Variants in OTOGL observed in about 807,000 individuals in gnomAD.
OTOGL encodes otogelin-like protein.
OTOGL carries 285 observed loss-of-function variants against 318.5 expected under a neutral mutation model. The ratio of observed to expected loss-of-function variants is 0.89; its 90% CI spans 0.81 to 0.99. OTOGL has a LOEUF of 0.99. OTOGL is among the 50% of genes least tolerant of loss of function. The pLI is 0.00. For missense variants in OTOGL, 2,899 were observed against 2,845.6 expected (o/e 1.02, Z -0.43); for synonymous variants, 987 against 936.5 (o/e 1.05, Z -0.99).
Position 80,341,959 on chromosome 12 carries a change from G to A in OTOGL, c.5062G>A (p.Glu1688Lys). The change falls in exon 44 of 59, where the codon GAA (glutamate) becomes AAA (lysine). Residue 1688 changes from glutamate (E) to lysine (K), a missense_variant. Transcript: ENST00000547103. The part of the protein sequence containing the change: ...YTEGLCGICN[E>K]DPDDDLRMQN... ...TATATTCTTTCAAGGAATTTGCAAT[G>A]AAGATCCGGATGATGATCTAAGGAT... 1 of 1,602,048 alleles carries A rather than the reference G, an allele frequency of 6.2e-7. No individual in the cohort carries two copies. Among genetic ancestry groups the A allele is most frequent in the Non-Finnish European group, 8.5e-7 (1 of 1,172,622 alleles).
At chr12:80,209,939 A>G (rs1877119209) in intron 2 of OTOGL, among the ~76,000 whole-genome samples, 3 of 152,154 alleles carry the variant, frequency 2.0e-5, no homozygotes, top group East Asian at 1.9e-4. Flanking sequence ...ATAAACAGCA[A>G]TTGAGTACTT....
intron 1 of OTOGL, among the ~76,000 whole-genome samples, chr12:80,160,461 G>A (rs1873433253): frequency 6.6e-6 from 1 of 151,936 alleles, no homozygotes; most frequent in Non-Finnish European, 1.5e-5. Context: ...TATACAAATG[G>A]CCAACAAACA....
At chr12:80,279,377 A>G (rs1047052625) in intron 26 of OTOGL, among the ~76,000 whole-genome samples, 4 of 151,412 alleles carry the variant, frequency 2.6e-5, no homozygotes, top group Admixed American at 6.6e-5. Context: ...TTGGTGTACA[A>G]AGAATTTCAT....
intron 1 of OTOGL, among the ~76,000 whole-genome samples, chr12:80,115,420 G>A (rs993194003): frequency 6.6e-6 from 1 of 152,118 alleles, no homozygotes; most frequent in African/African-American, 2.4e-5. Context: ...GGTATCACCC[G>A]CTGAGGCTGC....
chr12:80,313,640 C>T lies in OTOGL; in HGVS notation c.3607+8C>T. 1.9e-6 allele frequency: 3 copies of T among 1,600,562 alleles called. No homozygotes were observed. Among genetic ancestry groups the T allele is most frequent in the South Asian group, 1.1e-5 (1 of 90,090 alleles). ...GATCATCTACTGTTTGTTGTAAGTA[C>T]CCTACTTAGAACATCATTATGTAGA... On this transcript the variant is annotated splice_region_variant and intron_variant, in intron 31 of 58. Coordinates refer to ENST00000547103, the MANE Select transcript of OTOGL (RefSeq NM_001378609.3).
Position 80,229,316 on chromosome 12 carries a change from GTTCTTTTCAAACCAAGA to G in OTOGL, c.550_566del (p.Phe184GlyfsTer8), listed in dbSNP as rs770147033. ...ATTCTTGTTATCGGTCAATCAGCTT[GTTCTTTTCAAACCAAGA>G]GGAAATTCGAATTTATGGTCATGAA... On this transcript the variant is annotated frameshift_variant, in exon 8 of 59. Coordinates refer to ENST00000547103, the MANE Select transcript of OTOGL (RefSeq NM_001378609.3). LOFTEE classifies it high-confidence loss of function. 6.3e-7 allele frequency: 1 copy of G among 1,595,892 alleles called. No individual in the cohort carries two copies. Among genetic ancestry groups the G allele is most frequent in the South Asian group, 1.1e-5 (1 of 91,026 alleles).
At chr12:80,291,609 G>A (rs1042213073) in intron 26 of OTOGL, among the ~76,000 whole-genome samples, 3 of 152,174 alleles carry the variant, frequency 2.0e-5, no homozygotes, top group African/African-American at 7.2e-5. Flanking sequence ...TAAAGGAATT[G>A]CATAAACAAG....
In OTOGL at chr12:80,336,912, G is replaced by C. The variant is rs1045799821; in HGVS notation, c.4768G>C (p.Ala1590Pro). Residue 1590 changes from alanine to proline, a missense_variant and splice_region_variant, in exon 42 of 59, where the codon GCT (alanine) becomes CCT (proline). Physicochemically the swap from Ala to Pro is conservative, Grantham distance 27 (BLOSUM62 -1). Coordinates refer to ENST00000547103, the MANE Select transcript of OTOGL (RefSeq NM_001378609.3). Reference protein sequence around the residue: ...NQNGNSLKKLAPSGRISGLCF... With the variant: ...NQNGNSLKKLPPSGRISGLCF... ...AAGTTTTAATTTTTTTCAAATTAAG[G>C]CTCCCTCTGGAAGAATCTCTGGACT... 5 of 1,577,414 alleles carry C rather than the reference G, an allele frequency of 3.2e-6. No homozygotes were observed. The African/African-American group carries it at 5.4e-5, about 17-fold the overall frequency.
At chr12:80,258,435 A>G (rs188650891) in intron 18 of OTOGL, among the ~76,000 whole-genome samples, 2 of 152,266 alleles carry the variant, frequency 1.3e-5, no homozygotes, top group Non-Finnish European at 2.9e-5. Context: ...AATACTCTAT[A>G]AATATTGATA....
intron 26 of OTOGL, among the ~76,000 whole-genome samples, chr12:80,287,204 G>A (rs1209866388): frequency 6.6e-6 from 1 of 151,756 alleles, no homozygotes; most frequent in Non-Finnish European, 1.5e-5. Context: ...TAGTTGTGCA[G>A]TTTTGAGTGG....
chr12:80,249,939 C>A (rs571836846), intron 11 of OTOGL, among the ~76,000 whole-genome samples: 4 of 152,046 alleles, frequency 2.6e-5, no homozygotes, highest in Admixed American at 1.3e-4. Flanking sequence ...CAGGTGCGTC[C>A]GTCAGCCCTT....
chr12:80,120,692 C>A (rs549893725), intron 1 of OTOGL, among the ~76,000 whole-genome samples: 1 of 152,118 alleles, frequency 6.6e-6, no homozygotes, highest in African/African-American at 2.4e-5. Flanking sequence ...ATTTTTAATG[C>A]GGTAAGCTGA....
At chr12:80,188,534 T>C (rs1254076833) in intron 1 of OTOGL, among the ~76,000 whole-genome samples, 1 of 144,990 alleles carries the variant, frequency 6.9e-6, no homozygotes, top group African/African-American at 2.6e-5. Flanking sequence ...TGAGACTCTG[T>C]CTCAAAAAAA....
intron 44 of OTOGL, among the ~76,000 whole-genome samples, chr12:80,347,044 C>A (rs1258718945): frequency 6.6e-6 from 1 of 152,088 alleles, no homozygotes; most frequent in East Asian, 1.9e-4. Flanking sequence ...TCCAGACAAC[C>A]ATCATCTCTT....
chr12:80,283,273 A>C (rs978976317), intron 26 of OTOGL, among the ~76,000 whole-genome samples: 1 of 151,968 alleles, frequency 6.6e-6, no homozygotes, highest in Non-Finnish European at 1.5e-5. Flanking sequence ...AGTGACTTCC[A>C]ATGGCCTCCA....
At chr12:80,220,424 G>T (rs1045877189) in intron 6 of OTOGL, among the ~76,000 whole-genome samples, 1 of 152,144 alleles carries the variant, frequency 6.6e-6, no homozygotes, top group African/African-American at 2.4e-5. Flanking sequence ...CTCCCAAAGT[G>T]CTGGGATTAC....
chr12:80,215,949 C>T (rs1350249899), intron 4 of OTOGL, among the ~76,000 whole-genome samples: 1 of 152,144 alleles, frequency 6.6e-6, no homozygotes, highest in Non-Finnish European at 1.5e-5. Context: ...GAACAGGAGA[C>T]AATGAACTTG....
intron 1 of OTOGL, among the ~76,000 whole-genome samples, chr12:80,199,963 A>G (rs963477907): frequency 1.1e-4 from 17 of 152,228 alleles, no homozygotes; most frequent in Admixed American, 1.0e-3. Context: ...TTCTAATCTC[A>G]TTTCCCATTA....
intron 11 of OTOGL, among the ~76,000 whole-genome samples, chr12:80,251,142 A>G (rs149484911): frequency 7.9e-4 from 120 of 152,330 alleles, no homozygotes; most frequent in African/African-American, 2.9e-3. Flanking sequence ...TGGAATAACT[A>G]CGTTTTGGAT....
Sources: gnomAD v4.1 joint callset for allele counts (sites outside exome capture counted in the v4.1 genomes callset) on GRCh38, gnomAD v4.1.1 for gene constraint, MANE v1.5 for transcripts, NCBI Gene and HGNC (gene_info 2026-07-23, HGNC 2026-07-21) for gene names.